STPG2: variants seen among roughly 807,000 people sequenced by gnomAD.
STPG2 encodes the protein sperm-tail PG-rich repeat-containing protein 2.
Under a neutral mutation model 54.2 loss-of-function variants are expected in STPG2, and 56 were observed. The ratio of observed to expected loss-of-function variants is 1.03; its 90% CI spans 0.83 to 1.29. STPG2 has a LOEUF of 1.29. Among genes scored for constraint, STPG2 ranks in the 50% most tolerant of loss-of-function variants. The pLI is 0.00. For synonymous variants in STPG2, 200 were observed against 181.8 expected (o/e 1.10, Z -0.81); for missense variants, 596 against 544.9 (o/e 1.09, Z -0.93).
chr4:98,139,538 T>G (rs1352437943), intron 1 of STPG2, among the ~76,000 whole-genome samples: 1 of 152,214 alleles, frequency 6.6e-6, no homozygotes, highest in Non-Finnish European at 1.5e-5. Flanking sequence ...TTACTGGTCC[T>G]AAAGGTAGGT....
At chr4:97,872,609 T>C (rs892772455) in intron 8 of STPG2, among the ~76,000 whole-genome samples, 1 of 151,266 alleles carries the variant, frequency 6.6e-6, no homozygotes, top group Non-Finnish European at 1.5e-5. Context: ...TTCTGAAATA[T>C]GCAAAATTAG....
intron 9 of STPG2, among the ~76,000 whole-genome samples, chr4:97,748,909 G>C (rs1725498674): frequency 6.6e-6 from 1 of 151,542 alleles, no homozygotes; most frequent in Non-Finnish European, 1.5e-5. Flanking sequence ...CCTGGAGATA[G>C]AAAAATAATT....
At chr4:97,526,533 T>C (rs1731283848) in intron 4 of STPG2, among the ~76,000 whole-genome samples, 1 of 152,134 alleles carries the variant, frequency 6.6e-6, no homozygotes. Flanking sequence ...GCTGTTTTTT[T>C]CTTGTAAATT....
intron 2 of STPG2, among the ~76,000 whole-genome samples, chr4:98,133,815 A>C (rs1179236929): frequency 6.6e-6 from 1 of 152,066 alleles, no homozygotes; most frequent in Non-Finnish European, 1.5e-5. Flanking sequence ...ATATAAATGC[A>C]AAATTTATGT....
chr4:97,697,373 CT>C (rs1386844299), intron 10 of STPG2, among the ~76,000 whole-genome samples: 4 of 152,166 alleles, frequency 2.6e-5, no homozygotes, highest in African/African-American at 9.7e-5. Context: ...CCAGGCACCC[CT>C]GACCTTAATG....
intron 10 of STPG2, among the ~76,000 whole-genome samples, chr4:97,616,036 C>CAAAAA (rs58107338): frequency 1.4e-5 from 1 of 69,516 alleles, no homozygotes; most frequent in African/African-American, 6.3e-5. Flanking sequence ...GACTCTGTCT[C>CAAAAA]AAAAAAAAAA....
intron 8 of STPG2, among the ~76,000 whole-genome samples, chr4:97,887,325 G>A (rs886141826): frequency 9.2e-5 from 14 of 152,160 alleles, no homozygotes; most frequent in Non-Finnish European, 1.6e-4. Flanking sequence ...CAAAATGCTG[G>A]TAGTGAAATG....
Position 97,981,234 on chromosome 4 carries a change from A to T in STPG2, c.697T>A (p.Ser233Thr), listed in dbSNP as rs1310670483. Reference protein sequence around the residue: ...RTALKSLKKTSGLKNIPFGQS... With the variant: ...RTALKSLKKTTGLKNIPFGQS... ...CCAAATGGAATATTTTTCAGTCCTG[A>T]TGTTTTCTTCAAAGACTTGAGAGCA... Residue 233 changes from serine to threonine, a missense_variant, in exon 6 of 11, where the codon TCA (serine) becomes ACA (threonine). Coordinates refer to ENST00000295268, the MANE Select transcript of STPG2 (RefSeq NM_174952.3). 1 of 1,613,894 alleles carries T rather than the reference A, an allele frequency of 6.2e-7. No homozygotes were observed. The highest frequency in any genetic ancestry group is 1.3e-5 in the African/African-American group (1 of 74,924).
At chr4:97,543,750 G>C (rs1275776106) in intron 4 of STPG2, among the ~76,000 whole-genome samples, 1 of 151,990 alleles carries the variant, frequency 6.6e-6, no homozygotes, top group African/African-American at 2.4e-5. Context: ...ACAATAAATT[G>C]ATTATATGAC....
intron 10 of STPG2, among the ~76,000 whole-genome samples, chr4:97,561,761 C>T (rs146215145): frequency 0.018 from 2,697 of 152,120 alleles, 72 homozygotes; most frequent in African/African-American, 0.06. Context: ...AGATATGCAG[C>T]GTTATTTCTG....
intron 10 of STPG2, among the ~76,000 whole-genome samples, chr4:97,628,817 T>C (rs1397865292): frequency 1.3e-5 from 2 of 152,038 alleles, no homozygotes; most frequent in Non-Finnish European, 2.9e-5. Context: ...TAAAATAATA[T>C]TGATTTTTAC....
intron 10 of STPG2, among the ~76,000 whole-genome samples, chr4:97,635,688 A>G (rs1721490796): frequency 6.6e-6 from 1 of 151,616 alleles, no homozygotes; most frequent in Admixed American, 6.6e-5. Flanking sequence ...AGGGGTTGCA[A>G]TCATAGTCTC....
intron 9 of STPG2, among the ~76,000 whole-genome samples, chr4:97,777,463 C>T (rs530964938): frequency 6.6e-6 from 1 of 152,322 alleles, no homozygotes; most frequent in Non-Finnish European, 1.5e-5. Flanking sequence ...AGGAATCTCT[C>T]ATACAGACTC....
At chr4:97,624,063 T>C (rs892336588) in intron 10 of STPG2, among the ~76,000 whole-genome samples, 2 of 152,162 alleles carry the variant, frequency 1.3e-5, no homozygotes, top group African/African-American at 4.8e-5. Context: ...GTTGATTCCA[T>C]GTCTTTGATA....
intron 8 of STPG2, among the ~76,000 whole-genome samples, chr4:97,890,928 C>T (rs548592706): frequency 1.8e-4 from 28 of 151,640 alleles, no homozygotes; most frequent in South Asian, 6.2e-4. Context: ...TCAAAATTCA[C>T]GTTTTTCATA....
downstream of STPG2, among the ~76,000 whole-genome samples, chr4:97,555,645 G>T (rs17026793): frequency 0.016 from 2,430 of 152,138 alleles, 50 homozygotes; most frequent in African/African-American, 0.056. Context: ...AGAGTAAGGG[G>T]ACATAATAAT....
intron 10 of STPG2, among the ~76,000 whole-genome samples, chr4:97,602,140 G>A (rs188480616): frequency 1.2e-4 from 18 of 151,782 alleles, no homozygotes; most frequent in African/African-American, 3.9e-4. Flanking sequence ...TTTGCCCATA[G>A]ATTATTTTAC....
chr4:97,869,158 A>T (rs950887236), intron 8 of STPG2, among the ~76,000 whole-genome samples: 11 of 151,774 alleles, frequency 7.2e-5, no homozygotes, highest in African/African-American at 2.4e-4. Flanking sequence ...AGTCCTCAAT[A>T]CTCTCAGTTG....
chr4:97,961,590 C>A (rs1487669374), intron 7 of STPG2, among the ~76,000 whole-genome samples: 1 of 152,064 alleles, frequency 6.6e-6, no homozygotes, highest in Admixed American at 6.6e-5. Flanking sequence ...AAATAGCCAA[C>A]AAACATATGA....
Sources: gnomAD v4.1 joint callset for allele counts (sites outside exome capture counted in the v4.1 genomes callset) on GRCh38, gnomAD v4.1.1 for gene constraint, MANE v1.5 for transcripts, NCBI Gene and HGNC (gene_info 2026-07-23, HGNC 2026-07-21) for gene names.